CCBE1: variants seen among roughly 807,000 people sequenced by gnomAD.
CCBE1 encodes collagen and calcium-binding EGF domain-containing protein 1.
In CCBE1, 37 loss-of-function variants were observed where a neutral mutation model predicts 50.0. The observed-to-expected ratio is 0.74, with a 90% CI of 0.57 to 0.97. CCBE1 has a LOEUF of 0.97. Among genes scored for constraint, CCBE1 ranks in the 50% least tolerant of loss-of-function variants. The probability of loss-of-function intolerance (pLI) is 0.00; values close to 1 mark genes in which losing one functional copy is unlikely to be tolerated. For missense variants in CCBE1, 538 were observed against 523.8 expected, an observed-to-expected ratio of 1.03 and a Z score of -0.26; for synonymous variants, 234 against 203.7, an observed-to-expected ratio of 1.15 and a Z score of -1.27.
intron 2 of CCBE1, among the ~76,000 whole-genome samples, chr18:59,670,418 G>T (rs1318822864): frequency 1.3e-5 from 2 of 152,144 alleles, no homozygotes; most frequent in Non-Finnish European, 2.9e-5. Flanking sequence ...GTGGGCTTAG[G>T]ATCAACAGGA....
intron 2 of CCBE1, among the ~76,000 whole-genome samples, chr18:59,652,905 A>G (rs965816578): frequency 4.6e-5 from 7 of 152,038 alleles, no homozygotes; most frequent in African/African-American, 1.7e-4. Context: ...CGGAGCTTGC[A>G]GTGAACCGAG....
intron 2 of CCBE1, among the ~76,000 whole-genome samples, chr18:59,584,502 A>AT (rs1020556234): frequency 8.9e-5 from 13 of 145,588 alleles, no homozygotes; most frequent in African/African-American, 3.4e-4. Flanking sequence ...AAGTATAATA[A>AT]TAATAAAAAA....
chr18:59,665,391 G>A (rs1182477996), intron 2 of CCBE1, among the ~76,000 whole-genome samples: 1 of 152,172 alleles, frequency 6.6e-6, no homozygotes, highest in Admixed American at 6.5e-5. Flanking sequence ...GGGAATTGTG[G>A]TAGAAGGAAT....
chr18:59,599,804 A>T (rs1349655080), intron 2 of CCBE1, among the ~76,000 whole-genome samples: 1 of 152,256 alleles, frequency 6.6e-6, no homozygotes, highest in African/African-American at 2.4e-5. Flanking sequence ...GAGACCTGAC[A>T]GGCTCCGAAA....
intron 2 of CCBE1, among the ~76,000 whole-genome samples, chr18:59,599,185 G>A (rs967206036): frequency 6.6e-6 from 1 of 152,182 alleles, no homozygotes; most frequent in Non-Finnish European, 1.5e-5. Context: ...CAAGAAGGAA[G>A]AAGATGGGAA....
chr18:59,478,035 C>T (rs536413096), intron 3 of CCBE1, among the ~76,000 whole-genome samples: 50 of 152,224 alleles, frequency 3.3e-4, no homozygotes, highest in Admixed American at 9.2e-4. Flanking sequence ...CTCCATAATG[C>T]GGGTGGGCCT....
intron 2 of CCBE1, among the ~76,000 whole-genome samples, chr18:59,601,562 G>C (rs904459469): frequency 6.6e-6 from 1 of 152,044 alleles, no homozygotes; most frequent in Non-Finnish European, 1.5e-5. Flanking sequence ...GTCTTTATTA[G>C]CAGCATTAAA....
At chr18:59,638,182 A>G (rs2053940012) in intron 2 of CCBE1, among the ~76,000 whole-genome samples, 3 of 152,264 alleles carry the variant, frequency 2.0e-5, no homozygotes, top group African/African-American at 7.2e-5. Context: ...CAAAACATGA[A>G]AAGATGATCA....
At chr18:59,547,088 A>AGGGGGAGT (rs1568199289) in intron 2 of CCBE1, among the ~76,000 whole-genome samples, 2 of 116,446 alleles carry the variant, frequency 1.7e-5, no homozygotes, top group South Asian at 3.5e-4. Context: ...AGAAAGGGAG[A>AGGGGGAGT]GAGAGGGAGG....
chr18:59,646,033 CA>C (rs934707616), intron 2 of CCBE1, among the ~76,000 whole-genome samples: 1 of 128,886 alleles, frequency 7.8e-6, no homozygotes, highest in African/African-American at 2.9e-5. Context: ...GACTCTGTCT[CA>C]AAAAAAAAGA....
chr18:59,540,888 C>T (rs752959445), intron 2 of CCBE1, among the ~76,000 whole-genome samples: 2 of 152,124 alleles, frequency 1.3e-5, no homozygotes, highest in African/African-American at 2.4e-5. Flanking sequence ...ATGATAGAGA[C>T]CCTAAGAAAC....
chr18:59,444,430 T>A (rs1455107547), intron 7 of CCBE1, among the ~76,000 whole-genome samples: 1 of 152,126 alleles, frequency 6.6e-6, no homozygotes, highest in South Asian at 2.1e-4. Context: ...ATCTCCACAC[T>A]CTTTTCCACA....
chr18:59,616,227 T>C (rs761456316), intron 2 of CCBE1, among the ~76,000 whole-genome samples: 3 of 151,648 alleles, frequency 2.0e-5, no homozygotes, highest in African/African-American at 7.3e-5. Context: ...GGGAGAGAGA[T>C]CAAGAGATGA....
intron 2 of CCBE1, among the ~76,000 whole-genome samples, chr18:59,590,115 A>G (rs2053241206): frequency 6.6e-6 from 1 of 152,208 alleles, no homozygotes. Context: ...AAACACAGAC[A>G]CTACCCCCAC....
At position 59,566,119 on chromosome 18, in the gene CCBE1, C is replaced by T. The variant is rs550684908; in HGVS notation, c.213-85881G>A. On this transcript the variant is annotated intron_variant, in intron 2 of 10. Transcript: ENST00000439986. ...CCAGGACACACACTGCAACAGCAAC[C>T]GTGGCTACCAGGGTGCCCCGCAGGC... Among the ~76,000 whole-genome samples, 43 of 152,310 alleles carry T rather than the reference C, an allele frequency of 2.8e-4. 1 individual carries two copies. Among genetic ancestry groups the T allele is most frequent in the Admixed American group, 1.8e-3 (27 of 15,292 alleles).
chr18:59,594,628 C>T (rs2053323453), intron 2 of CCBE1, among the ~76,000 whole-genome samples: 1 of 152,126 alleles, frequency 6.6e-6, no homozygotes, highest in Non-Finnish European at 1.5e-5. Context: ...TTTAGTTCTG[C>T]TTGGAAAGTG....
At chr18:59,537,899 G>T (rs928182365) in intron 2 of CCBE1, among the ~76,000 whole-genome samples, 1 of 152,206 alleles carries the variant, frequency 6.6e-6, no homozygotes, top group Non-Finnish European at 1.5e-5. Flanking sequence ...TGTTTGTAAA[G>T]TAGAGATAAT....
intron 2 of CCBE1, among the ~76,000 whole-genome samples, chr18:59,613,800 G>T (rs914447427): frequency 6.9e-6 from 1 of 145,436 alleles, no homozygotes; most frequent in Admixed American, 7.0e-5. Context: ...TCCCACACTT[G>T]TAACTCTAAA....
chr18:59,542,234 G>A (rs1915497419), intron 2 of CCBE1, among the ~76,000 whole-genome samples: 1 of 137,240 alleles, frequency 7.3e-6, no homozygotes. Context: ...TGCTTTCTCA[G>A]TGCTGCCTGG....
Sources: allele counts gnomAD v4.1 joint callset (sites outside exome capture counted in the v4.1 genomes callset), GRCh38; gene constraint gnomAD v4.1.1; transcripts MANE v1.5; gene names NCBI Gene and HGNC (gene_info 2026-07-23, HGNC 2026-07-21).